CDH11: variants seen among roughly 807,000 people sequenced by gnomAD.
CDH11 encodes cadherin 11.
Under a neutral mutation model 67.8 loss-of-function variants are expected in CDH11, and 11 were observed. That is an observed-to-expected ratio of 0.16 (90% CI 0.10 to 0.27). The LOEUF is 0.27. Among genes scored for constraint, CDH11 ranks in the 10% least tolerant of loss-of-function variants. The probability of loss-of-function intolerance (pLI) is 1.00; values close to 1 mark genes in which losing one functional copy is unlikely to be tolerated. For synonymous variants in CDH11, 419 were observed against 400.0 expected, an observed-to-expected ratio of 1.05 and a Z score of -0.57; for missense variants, 847 against 1,031.2, an observed-to-expected ratio of 0.82 and a Z score of 2.45.
intron 12 of CDH11, 129 bp downstream of exon 12, chr16:64,950,638 C>CCAAG: frequency 1.6e-6 from 1 of 609,566 alleles, no homozygotes; most frequent in Non-Finnish European, 2.4e-6. Context: ...TACCCCACTT[C>CCAAG]TTTTCTTGAA....
intron 2 of CDH11, among the ~76,000 whole-genome samples, chr16:65,033,688 G>T (rs9797007): frequency 6.6e-6 from 1 of 151,846 alleles, no homozygotes; most frequent in African/African-American, 2.4e-5. Context: ...AGTGAGCCCA[G>T]ATCATGCCAC....
intron 7 of CDH11, among the ~76,000 whole-genome samples, chr16:64,983,789 A>G (rs35207): frequency 0.051 from 7,729 of 152,316 alleles, 282 homozygotes; most frequent in Non-Finnish European, 0.076. Flanking sequence ...TGAACATACA[A>G]GATTGCTGCA....
At chr16:64,981,992 G>C in intron 8 of CDH11, 56 bp downstream of exon 8, 1 of 1,509,818 alleles carries the variant, frequency 6.6e-7, no homozygotes, top group Non-Finnish European at 8.9e-7. Context: ...GGCTTTCCCA[G>C]AACCTCTTGA....
intron 2 of CDH11, among the ~76,000 whole-genome samples, chr16:65,006,407 A>G (rs1035966761): frequency 1.2e-4 from 19 of 152,184 alleles, no homozygotes; most frequent in African/African-American, 4.1e-4. Flanking sequence ...AAACAGCATG[A>G]ATCTTGGCAT....
At chr16:64,960,613 CA>C (rs2071646431) in intron 11 of CDH11, among the ~76,000 whole-genome samples, 1 of 152,006 alleles carries the variant, frequency 6.6e-6, no homozygotes, top group Non-Finnish European at 1.5e-5. Flanking sequence ...GAGGGATAGA[CA>C]GGGGGAGTAA....
At chr16:65,065,607 T>C (rs543775612) in intron 1 of CDH11, among the ~76,000 whole-genome samples, 1 of 151,860 alleles carries the variant, frequency 6.6e-6, no homozygotes, top group Non-Finnish European at 1.5e-5. Flanking sequence ...GACAACCCTG[T>C]GCAAGACACA....
chr16:64,973,155 A>T (rs1182963420), intron 8 of CDH11, 115 bp from the exon 9 acceptor site: 1 of 1,015,144 alleles, frequency 9.9e-7, no homozygotes, highest in African/African-American at 1.6e-5. Context: ...CTTAAGCTAG[A>T]TTTTCTTTCT....
rs750108148 is a variant in CDH11 at position 65,115,707 on chromosome 16, CA to C, written c.-298+6172del. ...TCACTCACAAAATATAAGGCTACAC[CA>C]AAAAAAAAAAAAACAAAAAAACAAA... is the stretch of plus-strand genomic sequence containing the variant. On this transcript the variant is annotated intron_variant, in intron 1 of 12. Coordinates refer to ENST00000268603, the MANE Select transcript of CDH11 (RefSeq NM_001797.4). Among the ~76,000 whole-genome samples, 40 of 60,138 alleles carry C rather than the reference CA, an allele frequency of 6.7e-4. 1 individual carries two copies. Among genetic ancestry groups the C allele is most frequent in the South Asian group, 1.9e-3 (3 of 1,574 alleles). The allele number at this position is 60,138 out of a possible 152,430, so 39.5% of individuals were successfully genotyped here.
chr16:65,075,507 T>C (rs948397115), intron 1 of CDH11, among the ~76,000 whole-genome samples: 1 of 152,202 alleles, frequency 6.6e-6, no homozygotes, highest in Non-Finnish European at 1.5e-5. Flanking sequence ...TGCTCAAGGC[T>C]GTGGGACACT....
Position 64,948,085 on chromosome 16 carries a change from A to C in CDH11, c.1909T>G (p.Phe637Val). Residue 637 changes from phenylalanine to valine, a missense_variant, in exon 13 of 13, where the codon TTT (phenylalanine) becomes GTT (valine). Transcript: ENST00000268603. Reference protein sequence around the residue: ...IVILLVIVVLFVTLRRQKKEP... With the variant: ...IVILLVIVVLVVTLRRQKKEP... ...TTCTTTTGCCTTCTCAGGGTCACAA[A>C]CAATACTACAATGACTGGAGGGAAA... 6.2e-7 allele frequency: 1 copy of C among 1,612,246 alleles called. No homozygotes were observed. The highest frequency in any genetic ancestry group is 8.5e-7 in the Non-Finnish European group (1 of 1,178,800).
intron 2 of CDH11, among the ~76,000 whole-genome samples, chr16:65,021,635 T>TA (rs2073426560): frequency 7.4e-6 from 1 of 134,390 alleles, no homozygotes; most frequent in Admixed American, 7.4e-5. Flanking sequence ...ATAGAGCTCT[T>TA]TAAAAAAAAA....
intron 9 of CDH11, among the ~76,000 whole-genome samples, chr16:64,972,692 G>C (rs529729880): frequency 2.6e-5 from 4 of 152,140 alleles, no homozygotes; most frequent in Admixed American, 2.0e-4. Context: ...CTCTTGCCAA[G>C]TCTATACCCA....
rs116035177 is a variant in CDH11 at position 65,064,026 on chromosome 16, T to C, written c.-297-10098A>G. Among the ~76,000 whole-genome samples, 1,091 of 152,270 alleles carry C rather than the reference T, an allele frequency of 7.2e-3. 14 individuals are homozygous for C. The highest frequency in any genetic ancestry group is 0.025 in the African/African-American group (1,023 of 41,548). On this transcript the variant is annotated intron_variant, in intron 1 of 12. Coordinates refer to ENST00000268603, the MANE Select transcript of CDH11 (RefSeq NM_001797.4). ...CAAACCCAATACCATGATGTGGCCA[T>C]CTTCAAGAGGACACTGCATGTGCAG...
chr16:65,011,102 T>C (rs1008399945), intron 2 of CDH11, among the ~76,000 whole-genome samples: 4 of 137,746 alleles, frequency 2.9e-5, no homozygotes, highest in African/African-American at 1.1e-4. Context: ...ATTTTTTATA[T>C]ATATATATAT....
intron 8 of CDH11, 28 bp downstream of exon 8, chr16:64,982,020 C>T (rs374084469): frequency 1.9e-6 from 3 of 1,563,490 alleles, no homozygotes; most frequent in Non-Finnish European, 2.6e-6. Flanking sequence ...ATTCCCCATC[C>T]AAGCTCTTAA....
intron 2 of CDH11, among the ~76,000 whole-genome samples, chr16:65,045,687 C>T (rs935602046): frequency 3.3e-5 from 5 of 152,016 alleles, no homozygotes; most frequent in East Asian, 1.9e-4. Context: ...TCAAGAATCA[C>T]GTAGGGACAG....
chr16:65,070,233 A>G (rs1375816609), intron 1 of CDH11, among the ~76,000 whole-genome samples: 1 of 152,228 alleles, frequency 6.6e-6, no homozygotes, highest in Non-Finnish European at 1.5e-5. Flanking sequence ...CAGGATATTC[A>G]GACACCTCAC....
At position 64,946,572 on chromosome 16, in the gene CDH11, G is replaced by A. The variant is rs2071201942; in HGVS notation, c.*1031C>T. 3 of 1,033,014 alleles carry A rather than the reference G, an allele frequency of 2.9e-6. No homozygotes were observed. Among genetic ancestry groups the A allele is most frequent in the Non-Finnish European group, 2.3e-6 (2 of 858,832 alleles). The allele number at this position is 1,033,014 out of a possible 1,614,324, so 64.0% of individuals were successfully genotyped here. On this transcript the variant is annotated 3_prime_UTR_variant, in exon 13 of 13. Transcript: ENST00000268603. ...AAGCCAGGAGGTTAACACCAAGAAT[G>A]TACAAAAAAGCTTTACATGATGTTA...
chr16:65,007,659 G>A (rs775771632), intron 2 of CDH11, among the ~76,000 whole-genome samples: 3 of 152,120 alleles, frequency 2.0e-5, no homozygotes, highest in African/African-American at 4.8e-5. Flanking sequence ...GATTCTACTC[G>A]CAGAGGTTCT....
Sources: gnomAD v4.1 joint callset for allele counts (sites outside exome capture counted in the v4.1 genomes callset) on GRCh38, gnomAD v4.1.1 for gene constraint, MANE v1.5 for transcripts, NCBI Gene and HGNC (gene_info 2026-07-23, HGNC 2026-07-21) for gene names.